DLGAP2: variants seen among roughly 807,000 people sequenced by gnomAD.
DLGAP2 encodes the protein disks large-associated protein 2.
Under a neutral mutation model 100.3 loss-of-function variants are expected in DLGAP2, and 26 were observed. The ratio of observed to expected loss-of-function variants is 0.26; its 90% CI spans 0.19 to 0.36. The LOEUF is 0.36. Among genes scored for constraint, DLGAP2 ranks in the 10% least tolerant of loss-of-function variants. DLGAP2 has a pLI of 1.00. For synonymous variants in DLGAP2, 886 were observed against 630.1 expected (o/e 1.41, Z -6.08); for missense variants, 1,858 against 1,453.2 (o/e 1.28, Z -4.53).
chr8:1,095,196 T>C (rs1337457241), intron 2 of DLGAP2, among the ~76,000 whole-genome samples: 1 of 152,210 alleles, frequency 6.6e-6, no homozygotes, highest in African/African-American at 2.4e-5. Context: ...ACCCTTTACT[T>C]GTCATTTTTA....
At chr8:1,429,413 G>A (rs967760371) in intron 3 of DLGAP2, among the ~76,000 whole-genome samples, 1 of 152,148 alleles carries the variant, frequency 6.6e-6, no homozygotes, top group African/African-American at 2.4e-5. Flanking sequence ...GTGAGCTCAT[G>A]GGGTCCAGGA....
chr8:1,548,779 A>C lies in DLGAP2; in HGVS notation c.326A>C (p.His109Pro), dbSNP rs753874923. The C allele has an allele frequency of 1.3e-6, 2 of 1,593,732 alleles. No individual in the cohort carries two copies. The highest frequency in any genetic ancestry group is 1.7e-6 in the Non-Finnish European group (2 of 1,173,022). ...CGLAPPEDCE[H>P]LHHGPDARPP... ...CTGGCGCCCCCGGAGGACTGCGAGC[A>C]CCTGCACCACGGGCCCGACGCGCGG... The change falls in exon 5 of 15, where the codon CAC becomes CCC. Residue 109 changes from histidine to proline, a missense_variant. Physicochemically the swap from His to Pro is moderately conservative, Grantham distance 77. Coordinates refer to ENST00000637795, the MANE Select transcript of DLGAP2 (RefSeq NM_001346810.2).
At chr8:816,960 GA>G (rs1563047206) in intron 1 of DLGAP2, among the ~76,000 whole-genome samples, 2 of 152,132 alleles carry the variant, frequency 1.3e-5, no homozygotes, top group African/African-American at 4.8e-5. Context: ...CTAACACGGT[GA>G]AACCCTGTCT....
intron 2 of DLGAP2, among the ~76,000 whole-genome samples, chr8:930,878 TC>T (rs949049276): frequency 1.3e-5 from 2 of 152,140 alleles, no homozygotes; most frequent in African/African-American, 4.8e-5. Flanking sequence ...CTCATGGAAA[TC>T]CCTCTGGAAC....
chr8:1,550,259 TG>T, intron 5 of DLGAP2, among the ~76,000 whole-genome samples: 1 of 152,318 alleles, frequency 6.6e-6, no homozygotes, highest in South Asian at 2.1e-4. Context: ...ATCCATCATT[TG>T]CCGGGAGACT....
rs1875663 is a variant in DLGAP2 at position 878,053 on chromosome 8, A to T, written c.19-29859A>T. Among the ~76,000 whole-genome samples, 986 of 152,282 alleles carry T rather than the reference A, an allele frequency of 6.5e-3. 5 individuals are homozygous for T. Among genetic ancestry groups the T allele is most frequent in the Middle Eastern group, 0.024 (7 of 294 alleles). The stretch of plus-strand genomic sequence containing the variant: ...CCAATGGACCATTTTCAGAGACTGT[A>T]GATGTTTTGTTGTTGTCTATAATTT... On this transcript the variant is annotated intron_variant, in intron 1 of 14. Transcript: ENST00000637795.
In DLGAP2 at chr8:1,017,671, C is replaced by G. The variant is rs1041911162; in HGVS notation, c.73+109705C>G. 1.4e-5 allele frequency among the ~76,000 whole-genome samples: 2 copies of G among 140,150 alleles called. 1 individual carries two copies. Among genetic ancestry groups the G allele is most frequent in the African/African-American group, 5.1e-5 (2 of 39,566 alleles). The allele number at this position is 140,150 out of a possible 152,430, so 91.9% of individuals were successfully genotyped here. On this transcript the variant is annotated intron_variant, in intron 2 of 14. Transcript: ENST00000637795. ...CACCTCCACTGTGTGTGACCAGGAG[C>G]CTTTTGGCTTGTGTTTCCTGTGGGG...
chr8:1,579,367 T>C (rs567729960), intron 6 of DLGAP2, among the ~76,000 whole-genome samples: 16 of 152,268 alleles, frequency 1.1e-4, no homozygotes, highest in African/African-American at 3.9e-4. Context: ...GAGTATTCTG[T>C]ACTCTGGGGG....
At position 1,094,543 on chromosome 8, in the gene DLGAP2, A is replaced by T. The variant is rs374592624; in HGVS notation, c.74-164308A>T. Among the ~76,000 whole-genome samples, 858 of 152,332 alleles carry T rather than the reference A, an allele frequency of 5.6e-3. 16 individuals are homozygous for T. The South Asian group carries it at 0.059, about 10-fold the overall frequency. On this transcript the variant is annotated intron_variant, in intron 2 of 14. Transcript: ENST00000637795. The stretch of plus-strand genomic sequence containing the variant: ...GAGGCTTAAATTTCTCAGTCCTTTG[A>T]TGGTGCATCACACCTTCCAACATGT...
At chr8:838,305 GGT>G (rs1320038766) in intron 1 of DLGAP2, among the ~76,000 whole-genome samples, 1 of 152,040 alleles carries the variant, frequency 6.6e-6, no homozygotes, top group Non-Finnish European at 1.5e-5. Context: ...GGAATCTCAT[GGT>G]TAAAACCTAA....
At chr8:1,266,711 CAGTGAGGGGGGAGGGG>C (rs1464641861) in intron 3 of DLGAP2, among the ~76,000 whole-genome samples, 1 of 151,984 alleles carries the variant, frequency 6.6e-6, no homozygotes, top group Non-Finnish European at 1.5e-5. Flanking sequence ...AAGCATGATA[CAGTGAGGGGGGAGGGG>C]AGTGTTGAGT....
chr8:1,208,873 T>TAAAG (rs1798049086), intron 2 of DLGAP2, among the ~76,000 whole-genome samples: 1 of 135,756 alleles, frequency 7.4e-6, no homozygotes, highest in Admixed American at 7.2e-5. Context: ...CAAAAATAAA[T>TAAAG]AAATAAATAA....
At chr8:1,069,325 A>G (rs1192207451) in intron 2 of DLGAP2, among the ~76,000 whole-genome samples, 2 of 152,142 alleles carry the variant, frequency 1.3e-5, no homozygotes, top group Admixed American at 1.3e-4. Context: ...GCCGGGTCGG[A>G]CAGACCTGCG....
intron 6 of DLGAP2, among the ~76,000 whole-genome samples, chr8:1,614,494 C>G (rs115177695): frequency 6.6e-6 from 1 of 152,208 alleles, no homozygotes; most frequent in East Asian, 1.9e-4. Context: ...ACGGCTTGGA[C>G]CCCGCTTTGT....
intron 3 of DLGAP2, among the ~76,000 whole-genome samples, chr8:1,376,855 C>T (rs72507641): frequency 0.064 from 9,605 of 149,330 alleles, 548 homozygotes; most frequent in South Asian, 0.18. Context: ...GCCGTGAAAG[C>T]GAAATGTGCA....
At chr8:1,446,058 G>T (rs1382409409) in intron 3 of DLGAP2, among the ~76,000 whole-genome samples, 1 of 151,836 alleles carries the variant, frequency 6.6e-6, no homozygotes, top group Middle Eastern at 3.4e-3. Flanking sequence ...TCACTCTGAT[G>T]GTAGTTTCTT....
chr8:1,549,481 C>G lies in DLGAP2; in HGVS notation c.1028C>G (p.Ser343Cys), dbSNP rs1269636697. Residue 343 changes from serine to cysteine, a missense_variant, in exon 5 of 15, where the codon TCC (serine) becomes TGC (cysteine). Coordinates refer to ENST00000637795, the MANE Select transcript of DLGAP2 (RefSeq NM_001346810.2). ...TTCGGGGACCTGTCCCTCAAGACCTCCAAGAGCAACAACGACGTCAAGTGC... is the reference window on the plus strand; with the variant it reads ...TTCGGGGACCTGTCCCTCAAGACCTGCAAGAGCAACAACGACGTCAAGTGC... Reference protein sequence around the residue: ...SPFGDLSLKTSKSNNDVKCSA... With the variant: ...SPFGDLSLKTCKSNNDVKCSA... 1 of 1,613,548 alleles carries G rather than the reference C, an allele frequency of 6.2e-7. No homozygotes were observed. The highest frequency in any genetic ancestry group is 8.5e-7 in the Non-Finnish European group (1 of 1,179,828).
At chr8:1,416,886 G>C (rs1796900982) in intron 3 of DLGAP2, among the ~76,000 whole-genome samples, 1 of 152,174 alleles carries the variant, frequency 6.6e-6, no homozygotes, top group Non-Finnish European at 1.5e-5. Context: ...ACCTGTTCGT[G>C]TGAAAGCTTC....
At chr8:1,103,777 G>T (rs112100916) in intron 2 of DLGAP2, among the ~76,000 whole-genome samples, 1 of 148,472 alleles carries the variant, frequency 6.7e-6, no homozygotes, top group Admixed American at 6.7e-5. Flanking sequence ...TTGGTTGACG[G>T]TGATGACTGG....
Sources: allele counts gnomAD v4.1 joint callset (sites outside exome capture counted in the v4.1 genomes callset), GRCh38; gene constraint gnomAD v4.1.1; transcripts MANE v1.5; gene names NCBI Gene and HGNC (gene_info 2026-07-23, HGNC 2026-07-21).